TTC39C: variants seen among roughly 807,000 people sequenced by gnomAD.
The protein encoded by TTC39C is tetratricopeptide repeat domain 39C, also known as tetratricopeptide repeat protein 39C.
A neutral mutation model predicts 76.3 loss-of-function variants in TTC39C; 33 were observed. That is an observed-to-expected ratio of 0.43 (90% CI 0.33 to 0.58). TTC39C has a LOEUF of 0.58. TTC39C is among the 20% of genes least tolerant of loss of function. The pLI, the probability that TTC39C is intolerant of heterozygous loss-of-function variation, is 0.04. For synonymous variants in TTC39C, 254 were observed against 260.6 expected (o/e 0.97, Z 0.24); for missense variants, 595 against 701.4 (o/e 0.85, Z 1.71).
At chr18:24,012,662 C>T (rs1011329562), upstream of TTC39C, among the ~76,000 whole-genome samples, 5 of 152,150 alleles carry the variant, frequency 3.3e-5, no homozygotes, top group Admixed American at 3.3e-4. Flanking sequence ...CCCTTATTGA[C>T]TAGACTGCTT....
At chr18:24,091,461 A>T (rs1255541340) in intron 6 of TTC39C, among the ~76,000 whole-genome samples, 1 of 152,218 alleles carries the variant, frequency 6.6e-6, no homozygotes, top group Non-Finnish European at 1.5e-5. Context: ...GAGTATTCAC[A>T]GATGCAAAAG....
chr18:24,039,022 C>T (rs12327295), intron 1 of TTC39C, among the ~76,000 whole-genome samples: 11,288 of 152,138 alleles, frequency 0.074, 864 homozygotes, highest in African/African-American at 0.19. Context: ...TTTTGGTGGA[C>T]GCAGTTCAGA....
intron 6 of TTC39C, among the ~76,000 whole-genome samples, chr18:24,098,712 A>G (rs2084632227): frequency 6.6e-6 from 1 of 150,854 alleles, no homozygotes; most frequent in African/African-American, 2.4e-5. Context: ...GGTTCATTGC[A>G]ACCTCTGCCT....
chr18:24,117,568 G>C (rs561966338), intron 7 of TTC39C, among the ~76,000 whole-genome samples: 1 of 152,236 alleles, frequency 6.6e-6, no homozygotes, highest in African/African-American at 2.4e-5. Flanking sequence ...TGGGCATGGT[G>C]GTGGGTGCCT....
upstream of TTC39C, among the ~76,000 whole-genome samples, chr18:24,011,902 T>C (rs1158071141): frequency 1.3e-5 from 2 of 152,244 alleles, no homozygotes; most frequent in African/African-American, 2.4e-5. Context: ...GCATTAGTTT[T>C]GCAGGAAGGT....
chr18:24,017,117 G>A (rs557488751), intron 1 of TTC39C, among the ~76,000 whole-genome samples: 2 of 152,218 alleles, frequency 1.3e-5, no homozygotes, highest in African/African-American at 4.8e-5. Context: ...GCCTTTTTTA[G>A]AGATGGTGGG....
At chr18:24,029,052 A>G (rs1414392056) in intron 1 of TTC39C, among the ~76,000 whole-genome samples, 1 of 151,574 alleles carries the variant, frequency 6.6e-6, no homozygotes, top group Non-Finnish European at 1.5e-5. Context: ...GCCTAAAATT[A>G]ATTAGTGTTT....
intron 4 of TTC39C, among the ~76,000 whole-genome samples, chr18:24,074,401 C>T (rs760318587): frequency 2.0e-5 from 3 of 152,140 alleles, no homozygotes; most frequent in Non-Finnish European, 2.9e-5. Flanking sequence ...GGTTCAAGGT[C>T]ATTGCCAAGA....
chr18:24,118,152 T>G lies in TTC39C; in HGVS notation c.1106T>G (p.Phe369Cys), dbSNP rs1170371612. The stretch of plus-strand genomic sequence containing the variant: ...TGGTGCAGCATGATAGAGCTCAATT[T>G]CAAGGATGCATTTGATTCCTTTGAG... Reference protein sequence around the residue: ...IGWCSMIELNFKDAFDSFERL... With the variant: ...IGWCSMIELNCKDAFDSFERL... Residue 369 changes from phenylalanine (F) to cysteine (C), a missense_variant, in exon 8 of 14, where the codon TTC becomes TGC. Transcript: ENST00000317571. 2 of 1,614,018 alleles carry G rather than the reference T, an allele frequency of 1.2e-6. No individual in the cohort carries two copies. Among genetic ancestry groups the G allele is most frequent in the Non-Finnish European group, 8.5e-7 (1 of 1,179,962 alleles).
intron 1 of TTC39C, among the ~76,000 whole-genome samples, chr18:24,050,266 G>A (rs1386272335): frequency 1.3e-5 from 2 of 152,172 alleles, no homozygotes; most frequent in African/African-American, 4.8e-5. Context: ...AGACACCAGA[G>A]AGAGGCTAAA....
intron 2 of TTC39C, among the ~76,000 whole-genome samples, chr18:24,064,733 A>G (rs1166204370): frequency 6.6e-6 from 1 of 152,180 alleles, no homozygotes; most frequent in African/African-American, 2.4e-5. Flanking sequence ...TAATTTTTTT[A>G]AAAGACTATT....
At chr18:24,053,749 A>T (rs1379947812) in intron 1 of TTC39C, among the ~76,000 whole-genome samples, 1 of 152,232 alleles carries the variant, frequency 6.6e-6, no homozygotes, top group African/African-American at 2.4e-5. Flanking sequence ...CATTCAGACC[A>T]TCAGGTCTCC....
At chr18:24,065,337 C>G (rs2084153071) in intron 2 of TTC39C, among the ~76,000 whole-genome samples, 1 of 152,228 alleles carries the variant, frequency 6.6e-6, no homozygotes, top group African/African-American at 2.4e-5. Context: ...CGCAGCAAGT[C>G]TGTCTCTGCC....
At chr18:24,044,299 G>A (rs2083836434) in intron 1 of TTC39C, among the ~76,000 whole-genome samples, 1 of 152,190 alleles carries the variant, frequency 6.6e-6, no homozygotes, top group African/African-American at 2.4e-5. Flanking sequence ...TTAAGGGCTT[G>A]CACATTTGCT....
chr18:24,114,236 C>T (rs894929), intron 6 of TTC39C: 246,064 of 281,824 alleles, frequency 0.87, 108,357 homozygotes, highest in East Asian at 0.99. Flanking sequence ...GAGCTGAGCC[C>T]TTACCACCTG....
At chr18:24,113,986 G>A (rs1428502321) in intron 6 of TTC39C, 5 of 381,686 alleles carry the variant, frequency 1.3e-5, no homozygotes, top group Non-Finnish European at 2.5e-5. Flanking sequence ...GGGTATAGAA[G>A]CAAACTATCA....
intron 1 of TTC39C, among the ~76,000 whole-genome samples, chr18:24,063,209 A>G (rs2084120363): frequency 6.6e-6 from 1 of 152,178 alleles, no homozygotes; most frequent in African/African-American, 2.4e-5. Context: ...TATTCTTTAA[A>G]TTGGTATTGA....
At chr18:24,036,063 G>A in intron 1 of TTC39C, among the ~76,000 whole-genome samples, 1 of 151,212 alleles carries the variant, frequency 6.6e-6, no homozygotes, top group East Asian at 1.9e-4. Flanking sequence ...TTATTTCTAG[G>A]CTCTCTATTC....
At position 24,066,391 on chromosome 18, in the gene TTC39C, G is replaced by A. The variant is rs78496077; in HGVS notation, c.345+251G>A. 5.4e-3 allele frequency among the ~76,000 whole-genome samples: 829 copies of A among 152,254 alleles called. 26 individuals are homozygous for A. In the East Asian group the frequency reaches 0.1, roughly 19 times the overall value. ...GAATCATCTTCTTCCATAATGGGCC[G>A]TGTGGGAAGGGCTGTTTTAATGAGG... On this transcript the variant is annotated intron_variant, in intron 3 of 13. Transcript: ENST00000317571.
Sources: allele counts gnomAD v4.1 joint callset (sites outside exome capture counted in the v4.1 genomes callset), GRCh38; gene constraint gnomAD v4.1.1; transcripts MANE v1.5; gene names NCBI Gene and HGNC (gene_info 2026-07-23, HGNC 2026-07-21).